The following SLC26A7 variants were observed in gnomAD, a reference collection of about 807,000 sequenced individuals.
SLC26A7 encodes solute carrier family 26 member 7.
Under a neutral mutation model 82.5 loss-of-function variants are expected in SLC26A7, and 59 were observed. The ratio of observed to expected loss-of-function variants is 0.72; its 90% CI spans 0.58 to 0.89. SLC26A7 has a LOEUF of 0.89. SLC26A7 is among the 40% of genes least tolerant of loss of function. The probability of loss-of-function intolerance (pLI) is 0.00; values close to 1 mark genes in which losing one functional copy is unlikely to be tolerated. For missense variants in SLC26A7, 820 were observed against 793.0 expected (o/e 1.03, Z -0.41); for synonymous variants, 271 against 274.3 (o/e 0.99, Z 0.12).
At chr8:91,380,789 A>G (rs1298628507) in intron 15 of SLC26A7, among the ~76,000 whole-genome samples, 1 of 152,160 alleles carries the variant, frequency 6.6e-6, no homozygotes, top group Non-Finnish European at 1.5e-5. Context: ...TCTTAGTTGT[A>G]CATCCTGAAG....
intron 2 of SLC26A7, among the ~76,000 whole-genome samples, chr8:91,280,661 T>C (rs1490838420): frequency 1.3e-5 from 2 of 152,220 alleles, no homozygotes; most frequent in Admixed American, 6.5e-5. Context: ...ATGGCTTCCT[T>C]TGTGCTCTTT....
intron 6 of SLC26A7, 135 bp downstream of exon 6, chr8:91,334,582 C>T: frequency 1.6e-6 from 1 of 636,682 alleles, no homozygotes; most frequent in Non-Finnish European, 2.5e-6. Flanking sequence ...GGCTAATTTG[C>T]ATGGCTACAC....
chr8:91,335,405 A>G (rs1586424183), intron 6 of SLC26A7, among the ~76,000 whole-genome samples: 1 of 152,276 alleles, frequency 6.6e-6, no homozygotes, highest in East Asian at 1.9e-4. Context: ...TATAATATGT[A>G]TGTGTGTATA....
chr8:91,377,826 G>A (rs990884070), intron 15 of SLC26A7, among the ~76,000 whole-genome samples: 2 of 152,106 alleles, frequency 1.3e-5, no homozygotes, highest in Admixed American at 1.3e-4. Context: ...CTTTTTAAGT[G>A]TGTGCAACCC....
intron 2 of SLC26A7, among the ~76,000 whole-genome samples, chr8:91,279,127 A>ATATATATATATATATATATATATG (rs1811489630): frequency 2.5e-4 from 3 of 12,078 alleles, no homozygotes; most frequent in African/African-American, 5.5e-4. Flanking sequence ...GTGTGTGTGT[A>ATATATATATATATATATATATATG]TATATATATA....
chr8:91,305,504 A>G (rs938633204), intron 4 of SLC26A7, among the ~76,000 whole-genome samples: 3 of 152,138 alleles, frequency 2.0e-5, no homozygotes, highest in African/African-American at 7.2e-5. Flanking sequence ...CATGCTTCCA[A>G]TCATCCGACT....
At chr8:91,287,942 A>G (rs1490419548) in intron 2 of SLC26A7, among the ~76,000 whole-genome samples, 2 of 152,112 alleles carry the variant, frequency 1.3e-5, no homozygotes, top group East Asian at 1.9e-4. Context: ...CTTTTATCGT[A>G]TTTTCACCAG....
intron 11 of SLC26A7, among the ~76,000 whole-genome samples, chr8:91,361,605 A>G (rs1814051152): frequency 6.6e-6 from 1 of 152,142 alleles, no homozygotes; most frequent in African/African-American, 2.4e-5. Flanking sequence ...GCTTTTAAAG[A>G]TATTTTTTCA....
intron 14 of SLC26A7, among the ~76,000 whole-genome samples, chr8:91,368,145 G>A (rs889761142): frequency 2.0e-5 from 3 of 152,136 alleles, no homozygotes; most frequent in African/African-American, 7.2e-5. Flanking sequence ...GAGGTAAAGT[G>A]CCCTTCTCAT....
At chr8:91,376,310 G>C (rs1448793758) in intron 15 of SLC26A7, among the ~76,000 whole-genome samples, 1 of 152,206 alleles carries the variant, frequency 6.6e-6, no homozygotes, top group Non-Finnish European at 1.5e-5. Flanking sequence ...TTGTACTGCA[G>C]TAGTTCTTTC....
At chr8:91,334,671 T>C (rs186902990) in intron 6 of SLC26A7, among the ~76,000 whole-genome samples, 34 of 152,334 alleles carry the variant, frequency 2.2e-4, no homozygotes, top group African/African-American at 7.2e-4. Flanking sequence ...ATAAAACATT[T>C]CTCATATGCT....
rs1461037039 is a variant in SLC26A7 at position 91,279,749 on chromosome 8, C to T, written c.194-9387C>T. ...TAATTTTTTGTATTTTTAGTAGAGACGGGGTTTCACTGTGTTAGCCAGGAT... is the reference window on the plus strand; with the variant it reads ...TAATTTTTTGTATTTTTAGTAGAGATGGGGTTTCACTGTGTTAGCCAGGAT... On this transcript the variant is annotated intron_variant, in intron 2 of 18. Coordinates refer to ENST00000276609, the MANE Select transcript of SLC26A7 (RefSeq NM_052832.4). Among the ~76,000 whole-genome samples the T allele has an allele frequency of 6.6e-5, 10 of 152,016 alleles. No individual in the cohort carries two copies. In the South Asian group the frequency reaches 8.3e-4, roughly 13 times the overall value.
At chr8:91,386,693 G>T (rs987555971) in intron 15 of SLC26A7, among the ~76,000 whole-genome samples, 4 of 152,120 alleles carry the variant, frequency 2.6e-5, no homozygotes, top group Non-Finnish European at 4.4e-5. Context: ...AGGTCGGATG[G>T]TGGAGAAGTT....
chr8:91,227,805 T>C (rs1039800146), intron 2 of SLC26A7, among the ~76,000 whole-genome samples: 1 of 152,246 alleles, frequency 6.6e-6, no homozygotes, highest in East Asian at 1.9e-4. Context: ...ATTTTGAAGC[T>C]TCTTACATCT....
chr8:91,369,799 A>T lies in SLC26A7; in HGVS notation c.1641A>T (p.Thr547=). The change falls in exon 15 of 19, where the codon ACA becomes ACT. Residue 547 remains threonine, a synonymous_variant. Coordinates refer to ENST00000276609, the MANE Select transcript of SLC26A7 (RefSeq NM_052832.4). ...TTTTATTTTAGTGTGAACAAAACAC[A>T]TTGCTTAATTCCCTATCCAATGGCA... ...LDDISKCEQN[T]LLNSLSNGNC... 6.3e-7 allele frequency: 1 copy of T among 1,598,986 alleles called. No homozygotes were observed. The highest frequency in any genetic ancestry group is 8.5e-7 in the Non-Finnish European group (1 of 1,173,406).
chr8:91,287,206 A>T (rs1438685755), intron 2 of SLC26A7, among the ~76,000 whole-genome samples: 1 of 152,234 alleles, frequency 6.6e-6, no homozygotes, highest in Non-Finnish European at 1.5e-5. Context: ...TCTAGAGACC[A>T]TTGAAAAATT....
intron 2 of SLC26A7, among the ~76,000 whole-genome samples, chr8:91,279,139 A>ATATATATATATATGTATG (rs1563656902): frequency 9.7e-6 from 1 of 102,888 alleles, no homozygotes; most frequent in African/African-American, 4.3e-5. Context: ...ATATATATAT[A>ATATATATATATATGTATG]TATATATATA....
intron 2 of SLC26A7, among the ~76,000 whole-genome samples, chr8:91,221,155 C>T: frequency 6.6e-6 from 1 of 152,186 alleles, no homozygotes; most frequent in Non-Finnish European, 1.5e-5. Context: ...TTGTTGGCCA[C>T]ATAAATGTCT....
intron 9 of SLC26A7, among the ~76,000 whole-genome samples, chr8:91,350,703 G>A (rs552542976): frequency 2.6e-5 from 4 of 152,070 alleles, no homozygotes; most frequent in African/African-American, 9.6e-5. Context: ...ATGTATGGAT[G>A]TACCACACTT....
Sources: allele counts gnomAD v4.1 joint callset (sites outside exome capture counted in the v4.1 genomes callset), GRCh38; gene constraint gnomAD v4.1.1; transcripts MANE v1.5; gene names NCBI Gene and HGNC (gene_info 2026-07-23, HGNC 2026-07-21).